Variants in MTIF2 observed in about 807,000 individuals in gnomAD.
MTIF2 encodes the protein mitochondrial translational initiation factor 2.
MTIF2 carries 71 observed loss-of-function variants against 83.5 expected under a neutral mutation model. That is an observed-to-expected ratio of 0.85 (90% CI 0.70 to 1.04). The LOEUF (loss-of-function observed/expected upper bound fraction) is 1.04, where lower values mean the gene tolerates loss of function less well. Among genes scored for constraint, MTIF2 ranks in the 50% least tolerant of loss-of-function variants. MTIF2 has a pLI of 0.00. For missense variants in MTIF2, 957 were observed against 846.5 expected, an observed-to-expected ratio of 1.13 and a Z score of -1.62; for synonymous variants, 319 against 287.1, an observed-to-expected ratio of 1.11 and a Z score of -1.12.
intron 8 of MTIF2, among the ~76,000 whole-genome samples, chr2:55,250,270 T>C (rs1196992529): frequency 6.6e-6 from 1 of 152,150 alleles, no homozygotes; most frequent in African/African-American, 2.4e-5. Context: ...TGCTGTTTTA[T>C]TTATGTTTGG....
chr2:55,254,014 A>C (rs750736426), intron 7 of MTIF2, 27 bp downstream of exon 7: 64 of 1,609,994 alleles, frequency 4.0e-5, no homozygotes, highest in Non-Finnish European at 5.3e-5. Flanking sequence ...GTTCCCAAGC[A>C]CATTGTAAGG....
At chr2:55,268,019 G>A (rs1237497705) in intron 2 of MTIF2, among the ~76,000 whole-genome samples, 4 of 152,100 alleles carry the variant, frequency 2.6e-5, no homozygotes, top group Admixed American at 6.6e-5. Context: ...TTGGGAGGTC[G>A]AGGCGGGCGG....
chr2:55,251,379 C>G (rs937293894), intron 8 of MTIF2, among the ~76,000 whole-genome samples: 2 of 152,030 alleles, frequency 1.3e-5, no homozygotes, highest in Non-Finnish European at 2.9e-5. Flanking sequence ...GCTAGCAGAT[C>G]CAAATTCCAT....
chr2:55,237,915 T>A (rs377249881), intron 14 of MTIF2, among the ~76,000 whole-genome samples: 37 of 152,280 alleles, frequency 2.4e-4, no homozygotes, highest in African/African-American at 7.9e-4. Context: ...ACTCTCAAAG[T>A]GCTGAAATTA....
At chr2:55,268,971 C>G (rs1313064184) in intron 1 of MTIF2, 198 bp downstream of exon 1, 1 of 152,288 alleles carries the variant, frequency 6.6e-6, no homozygotes, top group East Asian at 1.9e-4. Context: ...CCAGCCGCTT[C>G]CGAGAGAACA....
intron 13 of MTIF2, among the ~76,000 whole-genome samples, chr2:55,241,906 G>T (rs1558552086): frequency 6.6e-6 from 1 of 152,104 alleles, no homozygotes; most frequent in Non-Finnish European, 1.5e-5. Flanking sequence ...CCAGCACTTT[G>T]GGAGGCCAAA....
At chr2:55,250,006 T>C (rs1450531792) in intron 8 of MTIF2, among the ~76,000 whole-genome samples, 2 of 152,052 alleles carry the variant, frequency 1.3e-5, no homozygotes, top group Non-Finnish European at 2.9e-5. Flanking sequence ...GGCAGGAGAA[T>C]CGCTTGAACC....
chr2:55,255,970 A>G (rs1677494653), intron 5 of MTIF2, among the ~76,000 whole-genome samples: 1 of 151,830 alleles, frequency 6.6e-6, no homozygotes, highest in Non-Finnish European at 1.5e-5. Flanking sequence ...TCTGCCTCCC[A>G]GGTTCAAACA....
rs1185588013 is a variant in MTIF2 at position 55,238,388 on chromosome 2, G to GA, written c.1871-961_1871-960insT. 1.5e-4 allele frequency among the ~76,000 whole-genome samples: 14 copies of GA among 90,396 alleles called. No homozygotes were observed. The South Asian group carries it at 4.7e-3, about 30-fold the overall frequency. The allele number at this position is 90,396 out of a possible 152,430, so 59.3% of individuals were successfully genotyped here. A position where few individuals can be genotyped will look rare whatever the true frequency, so the allele number is the denominator to read the frequency against. ...TACTAATTCTACTAATTCTGAGCCT[G>GA]GTTTTTTTTTTTTTTTTTTGAGATG... On this transcript the variant is annotated intron_variant, in intron 14 of 15. Transcript: ENST00000263629.
In MTIF2 at chr2:55,252,098, T is replaced by C. The variant is rs185825105; in HGVS notation, c.841+379A>G. Among the ~76,000 whole-genome samples, 50 of 152,308 alleles carry C rather than the reference T, an allele frequency of 3.3e-4. 1 individual carries two copies. The highest frequency in any genetic ancestry group is 9.9e-4 in the African/African-American group (41 of 41,570). ...CTCTTTAGAGAAGAATTCCACATAA[T>C]AAATTAACAGGAAATAACAGAATAT... On this transcript the variant is annotated intron_variant, in intron 8 of 15. Coordinates refer to ENST00000263629, the MANE Select transcript of MTIF2 (RefSeq NM_002453.3).
At chr2:55,267,365 G>A (rs763719640) in intron 3 of MTIF2, among the ~76,000 whole-genome samples, 9 of 151,808 alleles carry the variant, frequency 5.9e-5, no homozygotes, top group Non-Finnish European at 1.2e-4. Context: ...CACCGTGTTG[G>A]CCAGGCTGGT....
Position 55,251,110 on chromosome 2 carries a change from C to CA in MTIF2, c.841+1366dup, listed in dbSNP as rs57949152. On this transcript the variant is annotated intron_variant, in intron 8 of 15. Coordinates refer to ENST00000263629, the MANE Select transcript of MTIF2 (RefSeq NM_002453.3). ...GGGCAATAAGAGCAAAACTCCGTCT[C>CA]AAAAAAAAAAAAAAAAAAAAAAGAA... Among the ~76,000 whole-genome samples, 324 of 71,022 alleles carry CA rather than the reference C, an allele frequency of 4.6e-3. 6 individuals are homozygous for CA. The highest frequency in any genetic ancestry group is 0.012 in the African/African-American group (235 of 18,802). The allele number at this position is 71,022 out of a possible 152,430, so 46.6% of individuals were successfully genotyped here.
At chr2:55,239,953 T>G (rs1676177329) in intron 14 of MTIF2, 58 bp downstream of exon 14, 4 of 1,450,660 alleles carry the variant, frequency 2.8e-6, no homozygotes, top group Non-Finnish European at 3.8e-6. Context: ...TGCTTTGAAG[T>G]GCTATTTATA....
At chr2:55,241,944 C>G (rs1573856890) in intron 13 of MTIF2, among the ~76,000 whole-genome samples, 1 of 152,020 alleles carries the variant, frequency 6.6e-6, no homozygotes, top group South Asian at 2.1e-4. Context: ...GTCAGGGGTT[C>G]AAGACCAGCC....
intron 13 of MTIF2, 141 bp downstream of exon 13, chr2:55,242,799 G>C: frequency 1.3e-6 from 1 of 772,762 alleles, no homozygotes; most frequent in Non-Finnish European, 2.0e-6. Flanking sequence ...TCAATTGCTA[G>C]CTGGGACTGG....
In MTIF2 at chr2:55,246,454, T is replaced by C. The variant is rs1347766522; in HGVS notation, c.989A>G (p.Asn330Ser). 1 of 1,613,416 alleles carries C rather than the reference T, an allele frequency of 6.2e-7. No homozygotes were observed. The highest frequency in any genetic ancestry group is 8.5e-7 in the Non-Finnish European group (1 of 1,179,586). ...AVPVSALTGD[N>S]LMALAEATVA... ...TGTTGCTTCTGCCAAAGCCATCAGA[T>C]TATCGCCCTTTAACAATAACAAACG... Residue 330 changes from asparagine to serine, a missense_variant, in exon 10 of 16, where the codon AAT (asparagine) becomes AGT (serine). Transcript: ENST00000263629.
At chr2:55,264,967 G>C (rs1465237092) in intron 3 of MTIF2, among the ~76,000 whole-genome samples, 1 of 152,110 alleles carries the variant, frequency 6.6e-6, no homozygotes, top group African/African-American at 2.4e-5. Context: ...TTCCAGCTGG[G>C]TGTGGTGGCT....
chr2:55,261,551 G>C (rs989943120), intron 5 of MTIF2, among the ~76,000 whole-genome samples: 1 of 151,874 alleles, frequency 6.6e-6, no homozygotes, highest in African/African-American at 2.4e-5. Context: ...AGGTTGCAGG[G>C]AGCCGAGATC....
rs1480689097 is a variant in MTIF2, at chr2:55,236,831, ATAATT to A, written c.2012-16_2012-12del. ...ATGAGGTTAATGAGCCTTAAAAAAG[ATAATT>A]TAAGGTTAGTATATTCAATAAATGA... On this transcript the variant is annotated splice_polypyrimidine_tract_variant and intron_variant, in intron 15 of 15. Coordinates refer to ENST00000263629, the MANE Select transcript of MTIF2 (RefSeq NM_002453.3). The A allele has an allele frequency of 6.4e-7, 1 of 1,563,162 alleles. No individual in the cohort carries two copies. The highest frequency in any genetic ancestry group is 8.6e-7 in the Non-Finnish European group (1 of 1,158,962).
Sources: allele counts gnomAD v4.1 joint callset (sites outside exome capture counted in the v4.1 genomes callset), GRCh38; gene constraint gnomAD v4.1.1; transcripts MANE v1.5; gene names NCBI Gene and HGNC (gene_info 2026-07-23, HGNC 2026-07-21).